RADIL: variants seen among roughly 807,000 people sequenced by gnomAD.
RADIL encodes the protein Rap associating with DIL domain.
RADIL carries 99 observed loss-of-function variants against 97.6 expected under a neutral mutation model. The ratio of observed to expected loss-of-function variants is 1.01; its 90% CI spans 0.86 to 1.20. The LOEUF is 1.20. Among genes scored for constraint, RADIL ranks in the 50% most tolerant of loss-of-function variants. The probability of loss-of-function intolerance (pLI) is 0.00; values close to 1 mark genes in which losing one functional copy is unlikely to be tolerated. For missense variants in RADIL, 1,765 were observed against 1,498.9 expected (o/e 1.18, Z -2.93); for synonymous variants, 803 against 691.8 (o/e 1.16, Z -2.52).
chr7:4,875,324 C>T (rs1388410157), intron 2 of RADIL, among the ~76,000 whole-genome samples: 1 of 151,530 alleles, frequency 6.6e-6, no homozygotes. Flanking sequence ...ACCTGGGAGG[C>T]AGAGGTTGCA....
In RADIL at chr7:4,817,896, C is replaced by G. The variant is rs574705784; in HGVS notation, c.1616-545G>C. Among the ~76,000 whole-genome samples, 1 of 152,188 alleles carries G rather than the reference C, an allele frequency of 6.6e-6. No homozygotes were observed. Among genetic ancestry groups the G allele is most frequent in the African/African-American group, 2.4e-5 (1 of 41,448 alleles). On this transcript the variant is annotated intron_variant, in intron 6 of 14. Transcript: ENST00000399583. The surrounding 1 kb of genome is among the most constrained non-coding windows in gnomAD (Gnocchi z 8.3). Reference sequence around the variant, plus strand: ...GAGCTGCCCACGGAGTGGTTCCTGCCGTCTGGGTGGGGGCTCTTGTGAAGG... The same window carrying G: ...GAGCTGCCCACGGAGTGGTTCCTGCGGTCTGGGTGGGGGCTCTTGTGAAGG...
intron 2 of RADIL, among the ~76,000 whole-genome samples, chr7:4,846,595 G>A (rs1783580717): frequency 6.8e-6 from 1 of 147,412 alleles, no homozygotes; most frequent in Non-Finnish European, 1.5e-5. Context: ...GCCCAGGCTG[G>A]AGTGCAGTGG....
intron 2 of RADIL, chr7:4,865,337 AT>A: frequency 1.8e-6 from 1 of 551,810 alleles, no homozygotes; most frequent in South Asian, 2.1e-5. Flanking sequence ...ACAATATTGT[AT>A]TTTTACTGTT....
At chr7:4,875,504 G>C (rs1583329203) in intron 2 of RADIL, among the ~76,000 whole-genome samples, 1 of 152,164 alleles carries the variant, frequency 6.6e-6, no homozygotes, top group East Asian at 1.9e-4. Context: ...GAAGACGGCG[G>C]GCCTTCCCAG....
In RADIL at chr7:4,815,658, G is replaced by A. The variant is rs925896969; in HGVS notation, c.1967-208C>T. On this transcript the variant is annotated intron_variant, in intron 8 of 14. Coordinates refer to ENST00000399583, the MANE Select transcript of RADIL (RefSeq NM_018059.5). This position sits in a 1 kb window ranked among gnomAD's most constrained non-coding sequence, Gnocchi z 8.0. Reference sequence around the variant, plus strand: ...AGCGGGGGTACGGTGGGAGGTGAACGTAGCAGGGCAGGGTGGGCTGTGACT... The same window carrying A: ...AGCGGGGGTACGGTGGGAGGTGAACATAGCAGGGCAGGGTGGGCTGTGACT... Among the ~76,000 whole-genome samples, 5 of 152,142 alleles carry A rather than the reference G, an allele frequency of 3.3e-5. No homozygotes were observed. In the East Asian group the frequency reaches 7.7e-4, roughly 24 times the overall value.
intron 11 of RADIL, among the ~76,000 whole-genome samples, chr7:4,802,750 C>T (rs1432598643): frequency 9.6e-5 from 11 of 114,168 alleles, no homozygotes; most frequent in African/African-American, 1.8e-4. Flanking sequence ...GCCCCCTCCC[C>T]GGGCACCTCG....
rs957368678 is a variant in RADIL, at chr7:4,797,985, T to C, written c.*1393A>G. The C allele has an allele frequency of 6.7e-6, 1 of 149,280 alleles. No individual in the cohort carries two copies. Among genetic ancestry groups the C allele is most frequent in the African/African-American group, 2.5e-5 (1 of 40,314 alleles). 9.2% of individuals were successfully genotyped at this position (149,280 alleles called of 1,614,324 possible). A position where few individuals can be genotyped will look rare whatever the true frequency, so the allele number is the denominator to read the frequency against. ...CGAGACTCCGTCTCATAAAAAAAAATTAAATATTTATATTTTATATAATAA... is the reference window on the plus strand; with the variant it reads ...CGAGACTCCGTCTCATAAAAAAAAACTAAATATTTATATTTTATATAATAA... On this transcript the variant is annotated 3_prime_UTR_variant, in exon 15 of 15. Transcript: ENST00000399583.
chr7:4,844,813 A>G (rs1390827609), intron 2 of RADIL, among the ~76,000 whole-genome samples: 1 of 152,128 alleles, frequency 6.6e-6, no homozygotes, highest in Non-Finnish European at 1.5e-5. Context: ...TATTCTGCCC[A>G]GGCTGGCCGC....
In RADIL at chr7:4,818,720, G is replaced by A. The variant is rs1476687632; in HGVS notation, c.1616-1369C>T. 6.6e-6 allele frequency among the ~76,000 whole-genome samples: 1 copy of A among 152,156 alleles called. No individual in the cohort carries two copies. Among genetic ancestry groups the A allele is most frequent in the Admixed American group, 6.5e-5 (1 of 15,286 alleles). ...GAGCTCTGTCCCGTCCACCTGTCCT[G>A]GTGCCCTGACCCTGGCTGCCTCAGG... On this transcript the variant is annotated intron_variant, in intron 6 of 14. Coordinates refer to ENST00000399583, the MANE Select transcript of RADIL (RefSeq NM_018059.5). This position sits in a 1 kb window ranked among gnomAD's most constrained non-coding sequence, Gnocchi z 7.1.
At position 4,835,378 on chromosome 7, in the gene RADIL, A is replaced by G. The variant is rs1267166999; in HGVS notation, c.784-139T>C. 4 of 1,127,382 alleles carry G rather than the reference A, an allele frequency of 3.5e-6. No individual in the cohort carries two copies. The African/African-American group carries it at 6.2e-5, about 17-fold the overall frequency. 69.8% of individuals were successfully genotyped at this position (1,127,382 alleles called of 1,614,324 possible). On this transcript the variant is annotated intron_variant, in intron 3 of 14. Coordinates refer to ENST00000399583, the MANE Select transcript of RADIL (RefSeq NM_018059.5). The surrounding 1 kb of genome is among the most constrained non-coding windows in gnomAD (Gnocchi z 5.8). ...GCTCTCCATGTCCCTGGCCACCCCC[A>G]CACCAGAACCCCGACGGCTCTCAGG...
intron 5 of RADIL, among the ~76,000 whole-genome samples, chr7:4,830,331 C>G (rs1011206502): frequency 2.0e-5 from 3 of 152,138 alleles, no homozygotes; most frequent in African/African-American, 7.2e-5. Flanking sequence ...AGGGCCCACT[C>G]GAGAGTGGGA....
chr7:4,815,938 C>T lies in RADIL; in HGVS notation c.1966+290G>A, dbSNP rs971237257. On this transcript the variant is annotated intron_variant, in intron 8 of 14. Coordinates refer to ENST00000399583, the MANE Select transcript of RADIL (RefSeq NM_018059.5). This position sits in a 1 kb window ranked among gnomAD's most constrained non-coding sequence, Gnocchi z 8.0. ...TCCACCGGGCAGTTCTGGGACAGTC[C>T]AATGATGCCCTGAGCCCGTTCCCTC... Among the ~76,000 whole-genome samples the T allele has an allele frequency of 1.3e-5, 2 of 152,166 alleles. No individual in the cohort carries two copies. The highest frequency in any genetic ancestry group is 2.9e-5 in the Non-Finnish European group (2 of 68,028).
In RADIL at chr7:4,883,681, CGCGGCGCCTCCTGCCG is replaced by C. The variant is rs1400129355; in HGVS notation, c.-166_-151del. 6.6e-6 allele frequency: 1 copy of C among 151,906 alleles called. No individual in the cohort carries two copies. The highest frequency in any genetic ancestry group is 2.4e-5 in the African/African-American group (1 of 41,418). The allele number at this position is 151,906 out of a possible 1,614,324, so 9.4% of individuals were successfully genotyped here. A position where few individuals can be genotyped will look rare whatever the true frequency, so the allele number is the denominator to read the frequency against. ...GGCCGGCGCCCAGACCCGCGCGTGC[CGCGGCGCCTCCTGCCG>C]GCGGCGCAACGGGCGGGGCGGGGCC... On this transcript the variant is annotated 5_prime_UTR_variant, in exon 1 of 15. Transcript: ENST00000399583. The surrounding 1 kb of genome is among the most constrained non-coding windows in gnomAD (Gnocchi z 7.1).
intron 2 of RADIL, among the ~76,000 whole-genome samples, chr7:4,857,269 T>C (rs1273200901): frequency 6.6e-6 from 1 of 152,204 alleles, no homozygotes; most frequent in Non-Finnish European, 1.5e-5. Flanking sequence ...ACTTGAATAA[T>C]GTTGTTATTA....
chr7:4,813,982 G>A lies in RADIL; in HGVS notation c.2139+1296C>T, dbSNP rs1460888004. On this transcript the variant is annotated intron_variant, in intron 9 of 14. Coordinates refer to ENST00000399583, the MANE Select transcript of RADIL (RefSeq NM_018059.5). The surrounding 1 kb of genome is among the most constrained non-coding windows in gnomAD (Gnocchi z 5.0). ...TTTTGTAGAGATGGGGTCTCGCTGT[G>A]TTGCCCAGGCTGGTCTCAAACCAAT... Among the ~76,000 whole-genome samples, 1 of 152,102 alleles carries A rather than the reference G, an allele frequency of 6.6e-6. No individual in the cohort carries two copies. The highest frequency in any genetic ancestry group is 2.4e-5 in the African/African-American group (1 of 41,422).
chr7:4,831,981 T>C (rs1325670329), intron 5 of RADIL, among the ~76,000 whole-genome samples, 160 bp downstream of exon 5: 2 of 152,034 alleles, frequency 1.3e-5, no homozygotes, highest in Non-Finnish European at 2.9e-5. Flanking sequence ...CCCAGGGTGA[T>C]GACTAAAGAA....
chr7:4,834,437 C>G lies in RADIL; in HGVS notation c.1416+170G>C, dbSNP rs574792954. Among the ~76,000 whole-genome samples the G allele has an allele frequency of 6.6e-6, 1 of 152,190 alleles. No homozygotes were observed. Among genetic ancestry groups the G allele is most frequent in the Non-Finnish European group, 1.5e-5 (1 of 68,020 alleles). ...GGGTTCTGGGGCTGCTTCTGGTGGC[C>G]TGTGGGGCTGGGGGGCAGCGACAGG... On this transcript the variant is annotated intron_variant, in intron 4 of 14. Coordinates refer to ENST00000399583, the MANE Select transcript of RADIL (RefSeq NM_018059.5). The surrounding 1 kb of genome is among the most constrained non-coding windows in gnomAD (Gnocchi z 6.0).
rs774813025 is a variant in RADIL at position 4,803,931 on chromosome 7, AT to A, written c.2291-178del. The A allele has an allele frequency of 5.6e-5, 39 of 701,986 alleles. No homozygotes were observed. The Admixed American group carries it at 5.7e-4, about 10-fold the overall frequency. The allele number at this position is 701,986 out of a possible 1,614,324, so 43.5% of individuals were successfully genotyped here. ...AGTGACTGGCCCCACCCTAGGACTC[AT>A]CCCTTCTGAATTCCCGCCGACCACC... is the stretch of plus-strand genomic sequence containing the variant. On this transcript the variant is annotated intron_variant, in intron 10 of 14. Transcript: ENST00000399583.
At chr7:4,875,392 CAA>C (rs1318111005) in intron 2 of RADIL, among the ~76,000 whole-genome samples, 8 of 138,364 alleles carry the variant, frequency 5.8e-5, no homozygotes, top group Admixed American at 7.3e-5. Flanking sequence ...GACTCCATCT[CAA>C]AAAAAAAAAA....
Sources: gnomAD v4.1 joint callset for allele counts (sites outside exome capture counted in the v4.1 genomes callset) on GRCh38, gnomAD v4.1.1 for gene constraint, Gnocchi (gnomAD v3.1) non-coding constraint, MANE v1.5 for transcripts, NCBI Gene and HGNC (gene_info 2026-07-23, HGNC 2026-07-21) for gene names.